The following FRMD4A variants were observed in gnomAD, a reference collection of about 807,000 sequenced individuals.
FRMD4A encodes the protein FERM domain-containing protein 4A.
Under a neutral mutation model 129.1 loss-of-function variants are expected in FRMD4A, and 29 were observed. The ratio of observed to expected loss-of-function variants is 0.22; its 90% CI spans 0.17 to 0.31. FRMD4A has a LOEUF of 0.31. Ranked by LOEUF, FRMD4A falls within the 10% of genes least tolerant of loss-of-function variation. FRMD4A has a pLI of 1.00. For missense variants in FRMD4A, 1,272 were observed against 1,375.8 expected (o/e 0.92, Z 1.19); for synonymous variants, 634 against 571.6 (o/e 1.11, Z -1.56).
chr10:13,748,806 A>T (rs1282530317), intron 8 of FRMD4A, among the ~76,000 whole-genome samples: 2 of 152,124 alleles, frequency 1.3e-5, no homozygotes, highest in African/African-American at 4.8e-5. Context: ...ACCAGTTGGT[A>T]TATAACACAA....
At chr10:14,059,225 C>G (rs912804633) in intron 2 of FRMD4A, among the ~76,000 whole-genome samples, 42 of 152,172 alleles carry the variant, frequency 2.8e-4, no homozygotes, top group African/African-American at 1.0e-3. Context: ...CCTCCCTCCT[C>G]TGGAATTCCA....
intron 2 of FRMD4A, among the ~76,000 whole-genome samples, chr10:14,153,293 T>C (rs1390710313): frequency 1.3e-5 from 2 of 152,236 alleles, no homozygotes; most frequent in Non-Finnish European, 2.9e-5. Context: ...TCACACTTGC[T>C]CCACATGGAT....
chr10:13,934,327 C>G (rs2095230486), intron 2 of FRMD4A, among the ~76,000 whole-genome samples: 1 of 152,212 alleles, frequency 6.6e-6, no homozygotes, highest in South Asian at 2.1e-4. Flanking sequence ...ATGAGGACAT[C>G]AGAATTTAGA....
chr10:14,141,767 C>T (rs1241886284), intron 2 of FRMD4A, among the ~76,000 whole-genome samples: 1 of 152,200 alleles, frequency 6.6e-6, no homozygotes, highest in Non-Finnish European at 1.5e-5. Context: ...TCCAGCACTT[C>T]TCACCATGCG....
intron 2 of FRMD4A, among the ~76,000 whole-genome samples, chr10:14,190,376 T>C (rs1345189491): frequency 6.6e-6 from 1 of 152,186 alleles, no homozygotes; most frequent in Non-Finnish European, 1.5e-5. Context: ...TGTTTGTTTT[T>C]TGTTCATTTT....
chr10:13,947,296 G>A (rs1170903956), intron 2 of FRMD4A, among the ~76,000 whole-genome samples: 2 of 152,180 alleles, frequency 1.3e-5, no homozygotes, highest in East Asian at 3.8e-4. Context: ...ATCTTCACCA[G>A]ACCGCTATCA....
intron 2 of FRMD4A, chr10:14,326,240 G>A (rs1308172044): frequency 6.6e-6 from 1 of 152,132 alleles, no homozygotes; most frequent in Admixed American, 6.5e-5. Flanking sequence ...CAGAAAGACA[G>A]GATTCCTCAC....
chr10:13,670,556 G>A (rs760159626), intron 16 of FRMD4A, 28 bp from the exon 17 acceptor site: 7 of 1,609,022 alleles, frequency 4.4e-6, no homozygotes, highest in Non-Finnish European at 1.7e-6. Context: ...CATTCGGAGT[G>A]AGCACAAATC....
In FRMD4A at chr10:14,200,602, A is replaced by G. The variant is rs185990580; in HGVS notation, c.45+129456T>C. Among the ~76,000 whole-genome samples, 431 of 152,320 alleles carry G rather than the reference A, an allele frequency of 2.8e-3. 2 individuals are homozygous for G. The highest frequency in any genetic ancestry group is 4.7e-3 in the Non-Finnish European group (323 of 68,028). On this transcript the variant is annotated intron_variant, in intron 2 of 24. Transcript: ENST00000357447. ...AAGAGACACTAAGGGAGAGAAGTTC[A>G]ATGGGGATTTATTTTGCAGGGAAAG...
At chr10:14,086,417 G>GA (rs1298007912) in intron 2 of FRMD4A, among the ~76,000 whole-genome samples, 2 of 152,090 alleles carry the variant, frequency 1.3e-5, no homozygotes, top group Admixed American at 6.5e-5. Context: ...AGAAGTGTTA[G>GA]AAAAAAATTA....
At chr10:14,319,349 CCT>C (rs10645584) in intron 2 of FRMD4A, among the ~76,000 whole-genome samples, 2 of 137,270 alleles carry the variant, frequency 1.5e-5, no homozygotes, top group South Asian at 2.3e-4. Flanking sequence ...ATCTCTCTCT[CCT>C]CTCTCTCTCT....
At chr10:14,102,462 C>T (rs936808584) in intron 2 of FRMD4A, among the ~76,000 whole-genome samples, 2 of 152,146 alleles carry the variant, frequency 1.3e-5, no homozygotes, top group African/African-American at 4.8e-5. Context: ...GGGAGGCGGA[C>T]ACATTGAGTA....
intron 2 of FRMD4A, among the ~76,000 whole-genome samples, chr10:14,057,662 CT>C (rs1166635029): frequency 6.6e-6 from 1 of 152,148 alleles, no homozygotes; most frequent in Non-Finnish European, 1.5e-5. Flanking sequence ...CCTCCGCCTC[CT>C]GGGTTCAAGA....
chr10:14,237,999 C>A (rs1290650370), intron 2 of FRMD4A, among the ~76,000 whole-genome samples: 1 of 152,140 alleles, frequency 6.6e-6, no homozygotes, highest in African/African-American at 2.4e-5. Context: ...TCATGGGACC[C>A]CTCCCACCTG....
intron 2 of FRMD4A, among the ~76,000 whole-genome samples, chr10:14,073,292 C>A (rs1054151557): frequency 6.6e-6 from 1 of 151,962 alleles, no homozygotes; most frequent in Admixed American, 6.6e-5. Flanking sequence ...GTTAATGGAG[C>A]TGAAGGGAGG....
At chr10:13,660,210 A>C in intron 20 of FRMD4A, 106 bp downstream of exon 20, 1 of 743,526 alleles carries the variant, frequency 1.3e-6, no homozygotes, top group Non-Finnish European at 2.3e-6. Flanking sequence ...GGGAGGAACT[A>C]GGTTGATGTG....
intron 8 of FRMD4A, among the ~76,000 whole-genome samples, chr10:13,749,768 C>A (rs1334769865): frequency 6.6e-6 from 1 of 151,890 alleles, no homozygotes; most frequent in African/African-American, 2.4e-5. Flanking sequence ...GTGGGAGGAT[C>A]ACTTCAGTCC....
chr10:13,872,505 T>C (rs542627778), intron 2 of FRMD4A, among the ~76,000 whole-genome samples: 49 of 152,370 alleles, frequency 3.2e-4, no homozygotes, highest in African/African-American at 1.0e-3. Flanking sequence ...GGAATACCCA[T>C]GCACGATGTG....
At chr10:13,952,861 T>A (rs372836154) in intron 2 of FRMD4A, among the ~76,000 whole-genome samples, 1 of 151,792 alleles carries the variant, frequency 6.6e-6, no homozygotes, top group Non-Finnish European at 1.5e-5. Flanking sequence ...TCGGCTAATT[T>A]TTTTTCGTAT....
Sources: gnomAD v4.1 joint callset for allele counts (sites outside exome capture counted in the v4.1 genomes callset) on GRCh38, gnomAD v4.1.1 for gene constraint, MANE v1.5 for transcripts, NCBI Gene and HGNC (gene_info 2026-07-23, HGNC 2026-07-21) for gene names.